The following ARB2A variants were observed in gnomAD, a reference collection of about 807,000 sequenced individuals.
ARB2A encodes the protein ARB2 cotranscriptional regulator A, also known as cotranscriptional regulator ARB2A.
chr5:93,660,574 T>C, the ARB2A span, among the ~76,000 whole-genome samples: 1 of 152,256 alleles, frequency 6.6e-6, no homozygotes, highest in Non-Finnish European at 1.5e-5. Flanking sequence ...TTGTGCAGGA[T>C]AGTAGTAGAA....
chr5:93,804,849 T>A, the ARB2A span: 1 of 757,850 alleles, frequency 1.3e-6, no homozygotes, highest in Non-Finnish European at 1.6e-6. Context: ...TTTTGAAAAA[T>A]TTGAAATTTG....
the ARB2A span, among the ~76,000 whole-genome samples, chr5:93,845,403 C>T: frequency 6.6e-6 from 1 of 152,098 alleles, no homozygotes; most frequent in African/African-American, 2.4e-5. Context: ...GGAGAAGGTC[C>T]CAAAATGTTG....
At chr5:93,880,006 T>TA in the ARB2A span, among the ~76,000 whole-genome samples, 1 of 151,840 alleles carries the variant, frequency 6.6e-6, no homozygotes, top group African/African-American at 2.4e-5. Flanking sequence ...GTACAACTGA[T>TA]AGAGAAGATG....
the ARB2A span, among the ~76,000 whole-genome samples, chr5:94,028,601 C>T: frequency 6.6e-6 from 1 of 152,194 alleles, no homozygotes; most frequent in South Asian, 2.1e-4. Context: ...CTTCCTAAAA[C>T]TTTATTCTCC....
the ARB2A span, among the ~76,000 whole-genome samples, chr5:93,721,483 T>C: frequency 6.6e-6 from 1 of 152,198 alleles, no homozygotes; most frequent in Non-Finnish European, 1.5e-5. Context: ...GATGCACTAA[T>C]TACCATATTT....
chr5:93,771,849 C>T, the ARB2A span, among the ~76,000 whole-genome samples: 2 of 152,216 alleles, frequency 1.3e-5, no homozygotes, highest in Non-Finnish European at 2.9e-5. Context: ...CACTTTTACA[C>T]TGTTGTTGGG....
At chr5:93,930,146 A>G in the ARB2A span, among the ~76,000 whole-genome samples, 1 of 152,214 alleles carries the variant, frequency 6.6e-6, no homozygotes, top group Non-Finnish European at 1.5e-5. Context: ...CTCTTACTGG[A>G]AAGGGGATGT....
the ARB2A span, among the ~76,000 whole-genome samples, chr5:93,709,231 A>T: frequency 6.6e-6 from 1 of 152,296 alleles, no homozygotes; most frequent in East Asian, 1.9e-4. Context: ...ATGAAATCAT[A>T]AGGTCCTCCA....
the ARB2A span, among the ~76,000 whole-genome samples, chr5:93,631,683 T>C: frequency 1.3e-5 from 2 of 152,084 alleles, no homozygotes; most frequent in Non-Finnish European, 2.9e-5. Flanking sequence ...TGAAAAGGGC[T>C]GGTAGAACTT....
the ARB2A span, chr5:93,620,643 G>C: frequency 5.0e-6 from 1 of 198,390 alleles, no homozygotes; most frequent in Non-Finnish European, 1.0e-5. Context: ...CGCTAGGACC[G>C]CGCCGACGCC....
the ARB2A span, among the ~76,000 whole-genome samples, chr5:93,759,707 T>A: frequency 6.6e-6 from 1 of 152,112 alleles, no homozygotes; most frequent in Admixed American, 6.5e-5. Context: ...AACTTTATGA[T>A]TAAAACTCTC....
chr5:93,810,966 G>C, the ARB2A span, among the ~76,000 whole-genome samples: 1 of 151,864 alleles, frequency 6.6e-6, no homozygotes. Context: ...TACATCACAG[G>C]GTTGTTATAA....
chr5:93,913,687 T>C, the ARB2A span, among the ~76,000 whole-genome samples: 1 of 151,998 alleles, frequency 6.6e-6, no homozygotes, highest in Non-Finnish European at 1.5e-5. Context: ...CAGACAACTT[T>C]TGTGTTTAAG....
At chr5:93,642,479 C>G in the ARB2A span, among the ~76,000 whole-genome samples, 1 of 152,132 alleles carries the variant, frequency 6.6e-6, no homozygotes, top group African/African-American at 2.4e-5. Context: ...TTAAGTGATT[C>G]TCTTACCTCA....
At chr5:93,737,209 T>G in the ARB2A span, 1 of 147,504 alleles carries the variant, frequency 6.8e-6, no homozygotes, top group Admixed American at 6.7e-5. Flanking sequence ...TCCAAAAGAA[T>G]AAAATGCCCA....
At chr5:94,107,273 G>A in the ARB2A span, among the ~76,000 whole-genome samples, 1 of 151,996 alleles carries the variant, frequency 6.6e-6, no homozygotes, top group African/African-American at 2.4e-5. Context: ...ATTAGAGAAA[G>A]CAGCATAGCA....
the ARB2A span, among the ~76,000 whole-genome samples, chr5:93,883,424 T>C: frequency 6.6e-6 from 1 of 151,414 alleles, no homozygotes; most frequent in Non-Finnish European, 1.5e-5. Context: ...TTTTTTAAAG[T>C]TTCTTAGCTC....
chr5:93,647,501 T>C, the ARB2A span, among the ~76,000 whole-genome samples: 8 of 151,634 alleles, frequency 5.3e-5, no homozygotes, highest in Admixed American at 4.6e-4. Context: ...GCTGGGGTTA[T>C]AGGCATGAGC....
chr5:93,870,878 T>C, the ARB2A span, among the ~76,000 whole-genome samples: 3 of 152,252 alleles, frequency 2.0e-5, no homozygotes, highest in Non-Finnish European at 4.4e-5. Flanking sequence ...AGCACTTGCA[T>C]ACCAAACTAT....
Sources: gnomAD v4.1 joint callset for allele counts (sites outside exome capture counted in the v4.1 genomes callset) on GRCh38, gnomAD v4.1.1 for gene constraint, MANE v1.5 for transcripts, NCBI Gene and HGNC (gene_info 2026-07-23, HGNC 2026-07-21) for gene names.